Variants in SNX30 observed in about 807,000 individuals in gnomAD.
The protein encoded by SNX30 is sorting nexin-30.
Under a neutral mutation model 46.4 loss-of-function variants are expected in SNX30, and 24 were observed. The ratio of observed to expected loss-of-function variants is 0.52; its 90% CI spans 0.37 to 0.73. SNX30 has a LOEUF of 0.73. Among genes scored for constraint, SNX30 ranks in the 30% least tolerant of loss-of-function variants. SNX30 has a pLI of 0.00. For missense variants in SNX30, 533 were observed against 555.7 expected (o/e 0.96, Z 0.41); for synonymous variants, 189 against 211.5 (o/e 0.89, Z 0.92).
chr9:112,846,884 A>G (rs4979164), intron 6 of SNX30, among the ~76,000 whole-genome samples: 115,812 of 152,028 alleles, frequency 0.76, 44,634 homozygotes, highest in South Asian at 0.86. Context: ...TTCCCCTCCC[A>G]TAGTTTGTGA....
At chr9:112,825,198 C>A (rs1443083840) in intron 3 of SNX30, among the ~76,000 whole-genome samples, 3 of 152,168 alleles carry the variant, frequency 2.0e-5, no homozygotes, top group Non-Finnish European at 4.4e-5. Context: ...AATTTTATAT[C>A]TGCACTAGAA....
intron 8 of SNX30, among the ~76,000 whole-genome samples, chr9:112,865,624 C>CATATATATAT (rs796986603): frequency 3.0e-3 from 233 of 78,908 alleles, no homozygotes; most frequent in Middle Eastern, 7.1e-3. Flanking sequence ...CCTGTCACGC[C>CATATATATAT]ATATATATAT....
intron 1 of SNX30, among the ~76,000 whole-genome samples, chr9:112,791,684 C>T (rs559039292): frequency 6.6e-6 from 1 of 152,242 alleles, no homozygotes; most frequent in East Asian, 1.9e-4. Flanking sequence ...ACTGGGATTA[C>T]AGGCATGAGC....
intron 6 of SNX30, among the ~76,000 whole-genome samples, chr9:112,849,927 G>A (rs1270005295): frequency 6.6e-6 from 1 of 152,220 alleles, no homozygotes; most frequent in African/African-American, 2.4e-5. Context: ...TCTATTAAAG[G>A]AAGAAGAAAG....
At chr9:112,804,735 A>G (rs112294630) in intron 1 of SNX30, 41 bp from the exon 2 acceptor site, 69 of 1,527,930 alleles carry the variant, frequency 4.5e-5, no homozygotes, top group Non-Finnish European at 6.0e-5. Context: ...ACTCTCCAGT[A>G]TGTTTTCATT....
intron 1 of SNX30, among the ~76,000 whole-genome samples, chr9:112,763,735 G>A (rs1241599020): frequency 6.6e-6 from 1 of 151,822 alleles, no homozygotes; most frequent in Non-Finnish European, 1.5e-5. Flanking sequence ...TGTAATCCCA[G>A]CTACTTGGGA....
Position 112,828,073 on chromosome 9 carries a change from G to A in SNX30, c.460-2652G>A, listed in dbSNP as rs929232250. Among the ~76,000 whole-genome samples, 4 of 152,198 alleles carry A rather than the reference G, an allele frequency of 2.6e-5. No individual in the cohort carries two copies. The South Asian group carries it at 8.3e-4, about 32-fold the overall frequency. Reference sequence around the variant, plus strand: ...TGTCACACAGTCAGTTATATAGTGCGTGACTATGGAACAGTAAAATTATTT... The same window carrying A: ...TGTCACACAGTCAGTTATATAGTGCATGACTATGGAACAGTAAAATTATTT... On this transcript the variant is annotated intron_variant, in intron 3 of 8. Coordinates refer to ENST00000374232, the MANE Select transcript of SNX30 (RefSeq NM_001012994.2).
intron 1 of SNX30, among the ~76,000 whole-genome samples, chr9:112,792,402 C>T (rs1840040616): frequency 6.6e-6 from 1 of 152,082 alleles, no homozygotes; most frequent in African/African-American, 2.4e-5. Flanking sequence ...TAGTTATTGC[C>T]TGTTCCCTTT....
chr9:112,828,911 C>T (rs553773050), intron 3 of SNX30, among the ~76,000 whole-genome samples: 1 of 152,210 alleles, frequency 6.6e-6, no homozygotes, highest in Admixed American at 6.5e-5. Context: ...AGTCACATCT[C>T]ATTTCCCCCG....
intron 1 of SNX30, among the ~76,000 whole-genome samples, chr9:112,756,648 A>T (rs747663543): frequency 6.6e-6 from 1 of 151,748 alleles, no homozygotes; most frequent in African/African-American, 2.4e-5. Context: ...TTTAGTAGAG[A>T]CGGGGTTTCA....
Position 112,867,698 on chromosome 9 carries a change from C to T in SNX30, c.1255-1086C>T, listed in dbSNP as rs1244616651. Among the ~76,000 whole-genome samples, 9 of 151,030 alleles carry T rather than the reference C, an allele frequency of 6.0e-5. No individual in the cohort carries two copies. In the East Asian group the frequency reaches 1.2e-3, roughly 20 times the overall value. Reference sequence around the variant, plus strand: ...ATTTCTCCCACCTCTTCAGAACTCCCGCTCCTCACACCTCTCCCACCCCCT... The same window carrying T: ...ATTTCTCCCACCTCTTCAGAACTCCTGCTCCTCACACCTCTCCCACCCCCT... On this transcript the variant is annotated intron_variant, in intron 8 of 8. Coordinates refer to ENST00000374232, the MANE Select transcript of SNX30 (RefSeq NM_001012994.2).
At chr9:112,865,422 A>T (rs562581388) in intron 8 of SNX30, among the ~76,000 whole-genome samples, 178 of 151,732 alleles carry the variant, frequency 1.2e-3, no homozygotes, top group Non-Finnish European at 2.2e-3. Flanking sequence ...CCAGCTCAAG[A>T]CCAGCCTAGG....
intron 6 of SNX30, among the ~76,000 whole-genome samples, chr9:112,840,522 C>G (rs1050737141): frequency 2.0e-5 from 3 of 152,174 alleles, no homozygotes; most frequent in Admixed American, 6.5e-5. Flanking sequence ...CTCACTCTGT[C>G]ATCACCAGGC....
chr9:112,808,434 G>A (rs1840264838), intron 2 of SNX30, among the ~76,000 whole-genome samples: 1 of 152,192 alleles, frequency 6.6e-6, no homozygotes, highest in Admixed American at 6.5e-5. Flanking sequence ...TCTCTCCCCA[G>A]TGGTGGAGAG....
At position 112,872,413 on chromosome 9, in the gene SNX30, T is replaced by C. The variant is rs1841460914; in HGVS notation, c.*3570T>C. On this transcript the variant is annotated 3_prime_UTR_variant, in exon 9 of 9. Coordinates refer to ENST00000374232, the MANE Select transcript of SNX30 (RefSeq NM_001012994.2). ...TCTGTTTTGACACCATTCATTGGAC[T>C]GCGGGACAGTCATTCTTTACGTTCT... The C allele has an allele frequency of 6.6e-6, 1 of 152,276 alleles. No individual in the cohort carries two copies. The highest frequency in any genetic ancestry group is 1.5e-5 in the Non-Finnish European group (1 of 68,062). The allele number at this position is 152,276 out of a possible 1,614,324, so 9.4% of individuals were successfully genotyped here.
intron 1 of SNX30, among the ~76,000 whole-genome samples, chr9:112,778,454 T>G (rs1839784866): frequency 6.6e-6 from 1 of 151,986 alleles, no homozygotes; most frequent in Non-Finnish European, 1.5e-5. Context: ...GTATTTTTAG[T>G]AGAGAGGGGG....
intron 1 of SNX30, among the ~76,000 whole-genome samples, chr9:112,795,966 G>A (rs10739371): frequency 0.8 from 122,239 of 152,024 alleles, 49,158 homozygotes; most frequent in South Asian, 0.87. Context: ...CAAGGAAAGC[G>A]TTAAAGGAGA....
intron 4 of SNX30, among the ~76,000 whole-genome samples, chr9:112,832,122 T>C (rs954987497): frequency 6.6e-6 from 1 of 152,194 alleles, no homozygotes; most frequent in African/African-American, 2.4e-5. Flanking sequence ...TCAGTTGGCA[T>C]TGAGCCTTAT....
chr9:112,796,599 G>A (rs898711660), intron 1 of SNX30, among the ~76,000 whole-genome samples: 5 of 152,180 alleles, frequency 3.3e-5, no homozygotes, highest in Non-Finnish European at 7.3e-5. Flanking sequence ...GAAGAGAAGC[G>A]GAGGGGGGAG....
Sources: gnomAD v4.1 joint callset for allele counts (sites outside exome capture counted in the v4.1 genomes callset) on GRCh38, gnomAD v4.1.1 for gene constraint, MANE v1.5 for transcripts, NCBI Gene and HGNC (gene_info 2026-07-23, HGNC 2026-07-21) for gene names.